EXT1: variants seen among roughly 807,000 people sequenced by gnomAD.
The protein encoded by EXT1 is exostosin glycosyltransferase 1.
EXT1 carries 20 observed loss-of-function variants against 82.5 expected under a neutral mutation model. The ratio of observed to expected loss-of-function variants is 0.24; its 90% confidence interval spans 0.17 to 0.35. The LOEUF is 0.35. Among genes scored for constraint, EXT1 ranks in the 10% least tolerant of loss-of-function variants. EXT1 has a pLI of 1.00. For synonymous variants in EXT1, 348 were observed against 350.8 expected (o/e 0.99, Z 0.09); for missense variants, 757 against 936.5 (o/e 0.81, Z 2.50).
intron 1 of EXT1, among the ~76,000 whole-genome samples, chr8:118,063,483 T>C (rs374207658): frequency 4.6e-5 from 7 of 152,224 alleles, no homozygotes; most frequent in African/African-American, 1.7e-4. Flanking sequence ...AATCACAGTC[T>C]GGACAGAGGT....
At chr8:118,046,834 T>C (rs931161491) in intron 1 of EXT1, among the ~76,000 whole-genome samples, 6 of 152,188 alleles carry the variant, frequency 3.9e-5, no homozygotes, top group Non-Finnish European at 8.8e-5. Context: ...GAAAAGATCG[T>C]GCAGAAAATC....
intron 1 of EXT1, among the ~76,000 whole-genome samples, chr8:118,046,492 C>T (rs1816625346): frequency 6.6e-6 from 1 of 152,174 alleles, no homozygotes; most frequent in Non-Finnish European, 1.5e-5. Context: ...AGGGCTCAAG[C>T]ACTGGCCAGA....
chr8:118,003,121 G>A (rs1017917342), intron 1 of EXT1, among the ~76,000 whole-genome samples: 1 of 152,046 alleles, frequency 6.6e-6, no homozygotes, highest in African/African-American at 2.4e-5. Flanking sequence ...TGAAATTGGA[G>A]GACATTATTC....
At chr8:117,935,029 C>G (rs1586294960) in intron 1 of EXT1, among the ~76,000 whole-genome samples, 1 of 152,142 alleles carries the variant, frequency 6.6e-6, no homozygotes. Context: ...CAAGACAGAC[C>G]TGGCTTGAAA....
chr8:118,045,599 A>C (rs975386182), intron 1 of EXT1, among the ~76,000 whole-genome samples: 79 of 151,990 alleles, frequency 5.2e-4, no homozygotes, highest in African/African-American at 1.9e-3. Context: ...CCCTTTAACA[A>C]TCAGCCTCTT....
intron 1 of EXT1, among the ~76,000 whole-genome samples, chr8:118,031,150 C>T (rs1816310269): frequency 6.6e-6 from 1 of 152,112 alleles, no homozygotes; most frequent in Non-Finnish European, 1.5e-5. Context: ...CTCCTCGGCT[C>T]CAGCTAAGTG....
intron 1 of EXT1, among the ~76,000 whole-genome samples, chr8:118,022,751 AT>A (rs1816131638): frequency 1.3e-5 from 2 of 152,144 alleles, no homozygotes; most frequent in Admixed American, 1.3e-4. Context: ...TTAAAGATTT[AT>A]TATTTTTCTG....
Position 117,795,992 on chromosome 8 carries a change from A to C in EXT1, c.*3720T>G, listed in dbSNP as rs1823083907. ...GATAGTGAAAGAAATTTCTTGGTTA[A>C]ATCTGGCCAAGAATGACAAAACCAA... On this transcript the variant is annotated 3_prime_UTR_variant, in exon 11 of 11. Coordinates refer to ENST00000378204, the MANE Select transcript of EXT1 (RefSeq NM_000127.3). The C allele has an allele frequency of 1.3e-5, 2 of 152,156 alleles. No individual in the cohort carries two copies. Among genetic ancestry groups the C allele is most frequent in the South Asian group, 4.1e-4 (2 of 4,820 alleles). The allele number at this position is 152,156 out of a possible 1,614,324, so 9.4% of individuals were successfully genotyped here. A position where few individuals can be genotyped will look rare whatever the true frequency, so the allele number is the denominator to read the frequency against.
chr8:118,080,422 C>G (rs1378764791), intron 1 of EXT1, among the ~76,000 whole-genome samples: 1 of 151,870 alleles, frequency 6.6e-6, no homozygotes, highest in Non-Finnish European at 1.5e-5. Flanking sequence ...TAAATAACTG[C>G]CTTTTTTTTT....
chr8:117,862,657 C>G (rs1218972530), intron 1 of EXT1, among the ~76,000 whole-genome samples: 1 of 145,286 alleles, frequency 6.9e-6, no homozygotes, highest in Non-Finnish European at 1.5e-5. Context: ...GGATGTGGTC[C>G]GTGGAGACTG....
chr8:117,798,507 C>T lies in EXT1; in HGVS notation c.*1205G>A, dbSNP rs1428623745. 1 of 152,038 alleles carries T rather than the reference C, an allele frequency of 6.6e-6. No individual in the cohort carries two copies. The highest frequency in any genetic ancestry group is 1.9e-4 in the East Asian group (1 of 5,190). 9.4% of individuals were successfully genotyped at this position (152,038 alleles called of 1,614,324 possible). On this transcript the variant is annotated 3_prime_UTR_variant, in exon 11 of 11. Transcript: ENST00000378204. ...CTTTTTAACAAGAAGCACAACTAAA[C>T]TTTTCCACAGATTTAAAAATTAAAA...
intron 1 of EXT1, among the ~76,000 whole-genome samples, chr8:117,913,115 G>A (rs1388731556): frequency 6.6e-6 from 1 of 152,106 alleles, no homozygotes; most frequent in Non-Finnish European, 1.5e-5. Flanking sequence ...TCAGCTACTT[G>A]GAAGGCTGAG....
At chr8:117,941,143 T>A (rs947189315) in intron 1 of EXT1, among the ~76,000 whole-genome samples, 1 of 152,214 alleles carries the variant, frequency 6.6e-6, no homozygotes, top group Non-Finnish European at 1.5e-5. Context: ...GTCTCGGGAC[T>A]CCTCTAGGGA....
In EXT1 at chr8:118,111,175, T is replaced by A. The variant is rs886062637; in HGVS notation, c.-129A>T. The A allele has an allele frequency of 7.6e-7, 1 of 1,315,270 alleles. No individual in the cohort carries two copies. Among genetic ancestry groups the A allele is most frequent in the Non-Finnish European group, 1.1e-6 (1 of 947,634 alleles). 81.5% of individuals were successfully genotyped at this position (1,315,270 alleles called of 1,614,324 possible). ...CTTCAAACTCTCCGCTCCCACCTTCTCTGGATGCCTTTCCCCAAGCCGTGG... is the reference window on the plus strand; with the variant it reads ...CTTCAAACTCTCCGCTCCCACCTTCACTGGATGCCTTTCCCCAAGCCGTGG... On this transcript the variant is annotated 5_prime_UTR_variant, in exon 1 of 11. Transcript: ENST00000378204.
chr8:118,093,580 T>C (rs1817560626), intron 1 of EXT1, among the ~76,000 whole-genome samples: 1 of 152,186 alleles, frequency 6.6e-6, no homozygotes, highest in Non-Finnish European at 1.5e-5. Flanking sequence ...GATGACCCAA[T>C]GACAGCAAAG....
At chr8:118,063,384 T>A (rs930308851) in intron 1 of EXT1, among the ~76,000 whole-genome samples, 1 of 152,226 alleles carries the variant, frequency 6.6e-6, no homozygotes, top group Non-Finnish European at 1.5e-5. Flanking sequence ...GCAGTGTTCA[T>A]TGAAAGCAGC....
chr8:118,097,401 C>T (rs778783522), intron 1 of EXT1, among the ~76,000 whole-genome samples: 4 of 152,058 alleles, frequency 2.6e-5, no homozygotes, highest in South Asian at 2.1e-4. Flanking sequence ...GAGCCCAGAT[C>T]GCCCCACTGC....
rs544345819 is a variant in EXT1 at position 117,890,381 on chromosome 8, A to G, written c.963-53180T>C. ...GAATGGGTGGGTGCTTCTGGTATCT[A>G]GTGGGTAGAGGCCAGGGATGCTGTT... On this transcript the variant is annotated intron_variant, in intron 1 of 10. Transcript: ENST00000378204. 3.7e-4 allele frequency among the ~76,000 whole-genome samples: 57 copies of G among 152,298 alleles called. 1 individual carries two copies. Among genetic ancestry groups the G allele is most frequent in the South Asian group, 1.0e-3 (5 of 4,828 alleles).
intron 1 of EXT1, among the ~76,000 whole-genome samples, chr8:118,093,227 C>T (rs957120040): frequency 3.0e-5 from 3 of 98,802 alleles, no homozygotes; most frequent in African/African-American, 1.3e-4. Context: ...TGATGCTTGG[C>T]AGAAAACAAT....
Sources: gnomAD v4.1 joint callset for allele counts (sites outside exome capture counted in the v4.1 genomes callset) on GRCh38, gnomAD v4.1.1 for gene constraint, MANE v1.5 for transcripts, NCBI Gene and HGNC (gene_info 2026-07-23, HGNC 2026-07-21) for gene names.